The following TRUB1 variants were observed in gnomAD, a reference collection of about 807,000 sequenced individuals.
TRUB1 encodes TruB pseudouridine synthase family member 1, also known as pseudouridylate synthase TRUB1.
In TRUB1, 23 loss-of-function variants were observed where a neutral mutation model predicts 33.9. That is an observed-to-expected ratio of 0.68 (90% CI 0.49 to 0.96). TRUB1 has a LOEUF of 0.96. TRUB1 is among the 40% of genes least tolerant of loss of function. The pLI is 0.00. For missense variants in TRUB1, 378 were observed against 422.2 expected, an observed-to-expected ratio of 0.90 and a Z score of 0.92; for synonymous variants, 163 against 165.4, an observed-to-expected ratio of 0.99 and a Z score of 0.11.
chr10:114,942,769 T>C, intron 2 of TRUB1, 26 bp downstream of exon 2: 1 of 1,402,504 alleles, frequency 7.1e-7, no homozygotes, highest in Non-Finnish European at 1.0e-6. Flanking sequence ...GGCAGTTAAG[T>C]GTCCACTGTC....
At chr10:114,946,514 G>A (rs1256940520) in intron 2 of TRUB1, among the ~76,000 whole-genome samples, 1 of 151,840 alleles carries the variant, frequency 6.6e-6, no homozygotes, top group Non-Finnish European at 1.5e-5. Context: ...GCTAATTTTT[G>A]TATTTTTAGT....
chr10:114,942,841 T>A, intron 2 of TRUB1, 98 bp downstream of exon 2: 1 of 793,342 alleles, frequency 1.3e-6, no homozygotes, highest in Non-Finnish European at 2.1e-6. Context: ...CTTCTATTTT[T>A]CAGTCATTTT....
In TRUB1 at chr10:114,975,618, G is replaced by A; in HGVS notation, c.*239G>A. The A allele has an allele frequency of 9.3e-6, 3 of 321,662 alleles. No homozygotes were observed. Among genetic ancestry groups the A allele is most frequent in the Non-Finnish European group, 1.7e-5 (3 of 176,810 alleles). 19.9% of individuals were successfully genotyped at this position (321,662 alleles called of 1,614,324 possible). ...AATGTTTTAGGATTTTTTGTATTGT[G>A]AAAATATGAATATGATTGGATTCAG... On this transcript the variant is annotated 3_prime_UTR_variant, in exon 8 of 8. Transcript: ENST00000298746.
chr10:114,965,510 G>A (rs1035438608), intron 4 of TRUB1, among the ~76,000 whole-genome samples: 1 of 152,106 alleles, frequency 6.6e-6, no homozygotes, highest in Non-Finnish European at 1.5e-5. Context: ...GAGTGAGATT[G>A]CCCTGTATTT....
intron 1 of TRUB1, among the ~76,000 whole-genome samples, chr10:114,941,870 C>T (rs976070823): frequency 2.0e-5 from 3 of 151,990 alleles, no homozygotes; most frequent in East Asian, 1.9e-4. Flanking sequence ...CTGCAAACTC[C>T]GCCTCCCAGG....
chr10:114,968,809 C>T (rs1288491091), intron 4 of TRUB1, among the ~76,000 whole-genome samples: 1 of 152,134 alleles, frequency 6.6e-6, no homozygotes, highest in Non-Finnish European at 1.5e-5. Context: ...CATAGTATTC[C>T]ATGCTGACTT....
At chr10:114,964,167 T>C (rs984826126) in intron 4 of TRUB1, among the ~76,000 whole-genome samples, 2 of 152,224 alleles carry the variant, frequency 1.3e-5, no homozygotes, top group Non-Finnish European at 2.9e-5. Context: ...AATAGTGTTT[T>C]TAATTTTGGC....
intron 3 of TRUB1, among the ~76,000 whole-genome samples, chr10:114,952,144 A>C (rs1037922767): frequency 5.9e-5 from 9 of 152,172 alleles, no homozygotes; most frequent in Non-Finnish European, 1.3e-4. Context: ...TTAAGTATTA[A>C]AATAAAAGCC....
intron 3 of TRUB1, among the ~76,000 whole-genome samples, chr10:114,954,558 G>A (rs2084253331): frequency 1.3e-5 from 2 of 152,072 alleles, no homozygotes; most frequent in Admixed American, 1.3e-4. Flanking sequence ...TAAAAGTTAA[G>A]AAAAGAGCCA....
intron 4 of TRUB1, among the ~76,000 whole-genome samples, chr10:114,966,610 C>T (rs181825920): frequency 8.5e-5 from 13 of 152,238 alleles, no homozygotes; most frequent in Non-Finnish European, 1.5e-4. Context: ...AGCCTTCTGA[C>T]CCATGAAATA....
intron 2 of TRUB1, among the ~76,000 whole-genome samples, chr10:114,950,004 T>C (rs2084227266): frequency 6.6e-6 from 1 of 151,382 alleles, no homozygotes; most frequent in Non-Finnish European, 1.5e-5. Context: ...GTTCAAGCGA[T>C]TCTCCTGCCT....
intron 3 of TRUB1, among the ~76,000 whole-genome samples, chr10:114,954,808 G>A (rs1388052208): frequency 2.0e-5 from 3 of 152,062 alleles, no homozygotes; most frequent in Non-Finnish European, 4.4e-5. Flanking sequence ...CTCTCTTGAG[G>A]TCCAGGCCTG....
intron 2 of TRUB1, among the ~76,000 whole-genome samples, chr10:114,944,828 T>G (rs1246382590): frequency 6.6e-6 from 1 of 151,702 alleles, no homozygotes; most frequent in Admixed American, 6.6e-5. Flanking sequence ...CTATAAAAAA[T>G]TAAAAAATTA....
rs745756143 is a variant in TRUB1 at position 114,938,376 on chromosome 10, C to T, written c.123C>T (p.Ala41=). The T allele has an allele frequency of 3.1e-6, 5 of 1,609,876 alleles. No homozygotes were observed. The highest frequency in any genetic ancestry group is 1.7e-5 in the Admixed American group (1 of 58,848). The change falls in exon 1 of 8, where the codon GCC becomes GCT. Residue 41 remains alanine (A), a synonymous_variant. Coordinates refer to ENST00000298746, the MANE Select transcript of TRUB1 (RefSeq NM_139169.5). ...MAATPSARAA[A]AVVAAAARTG... ...CGACCCCGTCAGCAAGGGCTGCAGCCGCGGTGGTTGCGGCCGCGGCCAGGA... is the reference window on the plus strand; with the variant it reads ...CGACCCCGTCAGCAAGGGCTGCAGCTGCGGTGGTTGCGGCCGCGGCCAGGA...
chr10:114,975,310 G>T lies in TRUB1; in HGVS notation c.981G>T (p.Gln327His). ...AATCAAAACCTGAGTCTAATGAACA[G>T]GTTTTGAGCTGTGAATATATAACTC... Reference protein sequence around the residue: ...LKKSKPESNEQVLSCEYITLN... With the variant: ...LKKSKPESNEHVLSCEYITLN... The change falls in exon 8 of 8, where the codon CAG becomes CAT. Residue 327 changes from glutamine (Q) to histidine (H), a missense_variant. Coordinates refer to ENST00000298746, the MANE Select transcript of TRUB1 (RefSeq NM_139169.5). The T allele has an allele frequency of 1.2e-6, 2 of 1,613,182 alleles. No homozygotes were observed. The highest frequency in any genetic ancestry group is 1.7e-6 in the Non-Finnish European group (2 of 1,179,508).
intron 6 of TRUB1, 146 bp from the exon 7 acceptor site, chr10:114,974,183 T>C: frequency 1.5e-6 from 1 of 665,670 alleles, no homozygotes; most frequent in Non-Finnish European, 2.6e-6. Context: ...TGCTACTGGA[T>C]GAATAATTTA....
chr10:114,974,233 A>C, intron 6 of TRUB1, 96 bp from the exon 7 acceptor site: 1 of 845,636 alleles, frequency 1.2e-6, no homozygotes, highest in Non-Finnish European at 2.0e-6. Context: ...AATTGTTTGC[A>C]TAGTGCATTT....
intron 2 of TRUB1, among the ~76,000 whole-genome samples, chr10:114,949,564 G>A (rs2084225249): frequency 6.6e-6 from 1 of 152,174 alleles, no homozygotes; most frequent in Non-Finnish European, 1.5e-5. Flanking sequence ...TGGTGCTGTA[G>A]GCACTGGGAC....
rs757608618 is a variant in TRUB1, at chr10:114,975,185, G to C, written c.856G>C (p.Glu286Gln). The change falls in exon 8 of 8, where the codon GAA becomes CAA. Residue 286 changes from glutamate to glutamine, a missense_variant. Coordinates refer to ENST00000298746, the MANE Select transcript of TRUB1 (RefSeq NM_139169.5). ...AACCAAACAGGGACCATTTACGCTA[G>C]AAGAACATGCCCTTCCTGAAGACAA... ...TRTKQGPFTL[E>Q]EHALPEDKWT... The C allele has an allele frequency of 1.9e-6, 3 of 1,613,526 alleles. No individual in the cohort carries two copies. Among genetic ancestry groups the C allele is most frequent in the Non-Finnish European group, 2.5e-6 (3 of 1,179,726 alleles).
Sources: allele counts gnomAD v4.1 joint callset (sites outside exome capture counted in the v4.1 genomes callset), GRCh38; gene constraint gnomAD v4.1.1; transcripts MANE v1.5; gene names NCBI Gene and HGNC (gene_info 2026-07-23, HGNC 2026-07-21).